The following PIK3C2G variants were observed in gnomAD, a reference collection of about 807,000 sequenced individuals.
The protein encoded by PIK3C2G is phosphatidylinositol-4-phosphate 3-kinase catalytic subunit type 2 gamma.
In PIK3C2G, 168 loss-of-function variants were observed where a neutral mutation model predicts 181.1. That is an observed-to-expected ratio of 0.93 (90% confidence interval 0.82 to 1.05). PIK3C2G has a LOEUF of 1.05. PIK3C2G is among the 50% of genes least tolerant of loss of function. The pLI is 0.00. For missense variants in PIK3C2G, 1,869 were observed against 1,732.8 expected, an observed-to-expected ratio of 1.08 and a Z score of -1.40; for synonymous variants, 573 against 592.2, an observed-to-expected ratio of 0.97 and a Z score of 0.47.
At chr12:18,277,289 G>A (rs1356333736) in intron 1 of PIK3C2G, among the ~76,000 whole-genome samples, 1 of 152,054 alleles carries the variant, frequency 6.6e-6, no homozygotes, top group Non-Finnish European at 1.5e-5. Flanking sequence ...ACATACACTT[G>A]GCTCAGCAAG....
chr12:18,265,871 A>G (rs1948464929), intron 1 of PIK3C2G, among the ~76,000 whole-genome samples: 1 of 151,752 alleles, frequency 6.6e-6, no homozygotes, highest in African/African-American at 2.4e-5. Context: ...AAAATTAGGC[A>G]GGCATGGTGG....
At chr12:18,544,684 T>A (rs1314041166) in intron 25 of PIK3C2G, among the ~76,000 whole-genome samples, 1 of 151,864 alleles carries the variant, frequency 6.6e-6, no homozygotes, top group African/African-American at 2.4e-5. Context: ...GAAAAGTTTA[T>A]GTGAGAAGAG....
At chr12:18,570,995 C>A (rs1945906813) in intron 29 of PIK3C2G, among the ~76,000 whole-genome samples, 1 of 150,720 alleles carries the variant, frequency 6.6e-6, no homozygotes, top group Non-Finnish European at 1.5e-5. Context: ...TTACTTTCAA[C>A]CTATCTAACT....
intron 18 of PIK3C2G, among the ~76,000 whole-genome samples, chr12:18,477,002 A>G (rs1306622606): frequency 2.0e-5 from 3 of 152,080 alleles, no homozygotes; most frequent in Non-Finnish European, 4.4e-5. Context: ...TTCAAGATCG[A>G]GGTGCCAGCA....
chr12:18,620,543 T>TAGAC (rs1565570379), intron 31 of PIK3C2G, among the ~76,000 whole-genome samples: 1 of 151,476 alleles, frequency 6.6e-6, no homozygotes. Flanking sequence ...GATAGATAGA[T>TAGAC]AGATAGATAG....
intron 6 of PIK3C2G, among the ~76,000 whole-genome samples, chr12:18,317,074 C>G (rs563747415): frequency 7.1e-6 from 1 of 140,432 alleles, no homozygotes; most frequent in African/African-American, 2.8e-5. Flanking sequence ...AGTGCAGTGG[C>G]GTGATCTTGG....
intron 11 of PIK3C2G, among the ~76,000 whole-genome samples, chr12:18,354,176 C>T (rs1242462665): frequency 6.6e-6 from 1 of 152,226 alleles, no homozygotes; most frequent in Non-Finnish European, 1.5e-5. Flanking sequence ...TGGAAAGCCT[C>T]TCTATATCTG....
chr12:18,359,281 C>A (rs1392478890), intron 11 of PIK3C2G, among the ~76,000 whole-genome samples: 2 of 152,212 alleles, frequency 1.3e-5, no homozygotes, highest in East Asian at 1.9e-4. Flanking sequence ...TTTCATTCTC[C>A]TGTGGTCAGA....
intron 30 of PIK3C2G, among the ~76,000 whole-genome samples, chr12:18,604,087 TAAA>T (rs1198158402): frequency 6.6e-6 from 1 of 152,154 alleles, no homozygotes; most frequent in Non-Finnish European, 1.5e-5. Flanking sequence ...ATGCTCCACT[TAAA>T]AGATACAGAA....
intron 5 of PIK3C2G, among the ~76,000 whole-genome samples, chr12:18,313,387 A>G (rs1327276585): frequency 6.6e-6 from 1 of 152,154 alleles, no homozygotes; most frequent in Non-Finnish European, 1.5e-5. Flanking sequence ...TGATGTAGAC[A>G]TTACTATTCC....
intron 22 of PIK3C2G, among the ~76,000 whole-genome samples, chr12:18,499,225 A>G (rs1439258602): frequency 4.6e-5 from 7 of 152,236 alleles, no homozygotes. Flanking sequence ...AACCTTCAAT[A>G]GCTGTAAGAT....
chr12:18,392,973 G>A (rs568771368), intron 15 of PIK3C2G, among the ~76,000 whole-genome samples: 71 of 152,152 alleles, frequency 4.7e-4, no homozygotes, highest in African/African-American at 1.7e-3. Context: ...ACTAGATGAA[G>A]CATCTTTTTC....
intron 24 of PIK3C2G, among the ~76,000 whole-genome samples, chr12:18,522,503 A>G (rs1299526717): frequency 6.6e-6 from 1 of 151,570 alleles, no homozygotes; most frequent in Non-Finnish European, 1.5e-5. Context: ...TTGCCAGGTA[A>G]AGTATTCTTG....
chr12:18,703,705 G>A, the PIK3C2G span, among the ~76,000 whole-genome samples: 1,086 of 152,256 alleles, frequency 7.1e-3, 11 homozygotes, highest in African/African-American at 0.025. Flanking sequence ...CTGTACCTCT[G>A]TTTTTGCCTG....
At chr12:18,694,561 C>T in the PIK3C2G span, among the ~76,000 whole-genome samples, 1 of 151,968 alleles carries the variant, frequency 6.6e-6, no homozygotes, top group African/African-American at 2.4e-5. Context: ...TCATCAAAGG[C>T]GAGAAAAAGT....
intron 24 of PIK3C2G, among the ~76,000 whole-genome samples, chr12:18,528,579 G>A (rs1246977280): frequency 6.6e-6 from 1 of 152,120 alleles, no homozygotes; most frequent in Non-Finnish European, 1.5e-5. Flanking sequence ...GACTTTATCA[G>A]TTGCTCAAAT....
intron 5 of PIK3C2G, among the ~76,000 whole-genome samples, chr12:18,307,030 G>A (rs1017417232): frequency 4.7e-5 from 7 of 149,324 alleles, no homozygotes; most frequent in Non-Finnish European, 8.9e-5. Flanking sequence ...TCCAAGGAGC[G>A]GCTAGGGCAA....
chr12:18,631,404 A>G (rs542756499), intron 31 of PIK3C2G, among the ~76,000 whole-genome samples: 1 of 152,326 alleles, frequency 6.6e-6, no homozygotes, highest in African/African-American at 2.4e-5. Context: ...TAACTTAGAA[A>G]TAGAAGCCCA....
At chr12:18,579,657 T>C (rs74976301) in intron 29 of PIK3C2G, among the ~76,000 whole-genome samples, 5,495 of 152,296 alleles carry the variant, frequency 0.036, 207 homozygotes, top group African/African-American at 0.095. Context: ...CCTCGTTCCA[T>C]ATCCACCTGG....
Sources: allele counts gnomAD v4.1 joint callset (sites outside exome capture counted in the v4.1 genomes callset), GRCh38; gene constraint gnomAD v4.1.1; transcripts MANE v1.5; gene names NCBI Gene and HGNC (gene_info 2026-07-23, HGNC 2026-07-21).